The following FHIT variants were observed in gnomAD, a reference collection of about 807,000 sequenced individuals.
FHIT encodes fragile histidine triad diadenosine triphosphatase.
In FHIT, 19 loss-of-function variants were observed where a neutral mutation model predicts 17.9. The ratio of observed to expected loss-of-function variants is 1.06; its 90% confidence interval spans 0.74 to 1.56. The LOEUF is 1.56. Among genes scored for constraint, FHIT ranks in the 40% most tolerant of loss-of-function variants. The pLI, the probability that FHIT is intolerant of heterozygous loss-of-function variation, is 0.00. For missense variants in FHIT, 248 were observed against 189.2 expected (o/e 1.31, Z -1.82); for synonymous variants, 81 against 69.7 (o/e 1.16, Z -0.81).
intron 4 of FHIT, among the ~76,000 whole-genome samples, chr3:60,560,438 A>G (rs548081976): frequency 2.0e-5 from 3 of 152,194 alleles, no homozygotes; most frequent in African/African-American, 7.2e-5. Flanking sequence ...AGGCAAGAAC[A>G]GCTTCATGAA....
At chr3:59,922,450 T>A (rs1352205308) in intron 7 of FHIT, 36 bp from the exon 8 acceptor site, 1 of 1,550,246 alleles carries the variant, frequency 6.5e-7, no homozygotes. Context: ...AATGTGATTA[T>A]CTCCCCATGT....
intron 8 of FHIT, among the ~76,000 whole-genome samples, chr3:59,781,484 C>T (rs1702580015): frequency 6.6e-6 from 1 of 152,124 alleles, no homozygotes; most frequent in African/African-American, 2.4e-5. Context: ...TTTTGTTTGA[C>T]CTTTAGCTAA....
intron 4 of FHIT, among the ~76,000 whole-genome samples, chr3:60,622,037 G>C (rs960441871): frequency 6.6e-6 from 1 of 152,068 alleles, no homozygotes; most frequent in Non-Finnish European, 1.5e-5. Flanking sequence ...ACAAACATAG[G>C]AATTGTTATC....
At chr3:59,884,006 G>T (rs112552546) in intron 8 of FHIT, among the ~76,000 whole-genome samples, 2,343 of 152,208 alleles carry the variant, frequency 0.015, 55 homozygotes, top group Non-Finnish European at 0.018. Flanking sequence ...CTTCACTTTT[G>T]TCTTGTTTAT....
chr3:60,692,759 A>G (rs1237653275), intron 4 of FHIT, among the ~76,000 whole-genome samples: 1 of 152,220 alleles, frequency 6.6e-6, no homozygotes, highest in Non-Finnish European at 1.5e-5. Context: ...TACAGCAGCC[A>G]CAGAAAACTA....
intron 8 of FHIT, among the ~76,000 whole-genome samples, chr3:59,755,610 C>G (rs1701174799): frequency 6.6e-6 from 1 of 152,182 alleles, no homozygotes; most frequent in Non-Finnish European, 1.5e-5. Context: ...TGTTAACACA[C>G]AAGACAGTTG....
intron 4 of FHIT, among the ~76,000 whole-genome samples, chr3:60,582,382 A>C (rs907349202): frequency 3.9e-5 from 6 of 152,128 alleles, no homozygotes; most frequent in Non-Finnish European, 8.8e-5. Flanking sequence ...AGTTAAGCTT[A>C]AATTTCATAA....
At chr3:60,544,824 T>C (rs143029899) in intron 4 of FHIT, among the ~76,000 whole-genome samples, 1,889 of 152,122 alleles carry the variant, frequency 0.012, 34 homozygotes, top group African/African-American at 0.042. Context: ...CTCGAACTCC[T>C]AACCTCAAGT....
chr3:60,132,950 T>C (rs1699655531), intron 5 of FHIT, among the ~76,000 whole-genome samples: 1 of 152,024 alleles, frequency 6.6e-6, no homozygotes. Flanking sequence ...TGAAGACAAA[T>C]GACATACTGA....
intron 4 of FHIT, among the ~76,000 whole-genome samples, chr3:60,623,975 C>G (rs1246302282): frequency 1.3e-5 from 2 of 152,154 alleles, no homozygotes; most frequent in Non-Finnish European, 2.9e-5. Flanking sequence ...AAAAATTCTA[C>G]AATACATGAA....
chr3:60,131,931 G>A (rs1699613114), intron 5 of FHIT, among the ~76,000 whole-genome samples: 1 of 152,040 alleles, frequency 6.6e-6, no homozygotes, highest in Non-Finnish European at 1.5e-5. Context: ...TGTTTCAGAG[G>A]CCCACTCTCA....
At chr3:61,098,059 T>G (rs576323738) in intron 2 of FHIT, among the ~76,000 whole-genome samples, 2 of 152,318 alleles carry the variant, frequency 1.3e-5, no homozygotes, top group Admixed American at 6.5e-5. Context: ...CCTAGTTGAT[T>G]TCCAGGGTTT....
At chr3:61,197,927 A>G (rs2106656195) in intron 2 of FHIT, among the ~76,000 whole-genome samples, 1 of 152,176 alleles carries the variant, frequency 6.6e-6, no homozygotes, top group Non-Finnish European at 1.5e-5. Context: ...ACTTTTCTGT[A>G]CCAAACACAG....
intron 7 of FHIT, among the ~76,000 whole-genome samples, chr3:59,945,199 T>C (rs956812858): frequency 6.6e-6 from 1 of 152,164 alleles, no homozygotes; most frequent in Admixed American, 6.5e-5. Context: ...TTTTTTGACT[T>C]GTTAGTAATA....
chr3:60,151,495 G>A (rs575599013), intron 5 of FHIT, among the ~76,000 whole-genome samples: 1 of 152,170 alleles, frequency 6.6e-6, no homozygotes, highest in Non-Finnish European at 1.5e-5. Context: ...TAAATAAACA[G>A]ATGAGATCAC....
intron 4 of FHIT, chr3:60,690,389 G>A: frequency 1.7e-6 from 1 of 578,020 alleles, no homozygotes. Context: ...ATGAAAAACT[G>A]GGAACCATTT....
intron 5 of FHIT, among the ~76,000 whole-genome samples, chr3:60,424,024 A>G (rs1395307795): frequency 6.6e-6 from 1 of 152,178 alleles, no homozygotes; most frequent in Non-Finnish European, 1.5e-5. Flanking sequence ...TATAGTGATA[A>G]AGGTAAACAC....
Position 60,525,201 on chromosome 3 carries a change from T to C in FHIT, c.103+11659A>G, listed in dbSNP as rs117379565. Among the ~76,000 whole-genome samples, 63 of 152,342 alleles carry C rather than the reference T, an allele frequency of 4.1e-4. 1 individual carries two copies. The East Asian group carries it at 0.012, about 28-fold the overall frequency. On this transcript the variant is annotated intron_variant, in intron 5 of 9. Coordinates refer to ENST00000492590, the MANE Select transcript of FHIT (RefSeq NM_002012.4). ...CAATAGCATTTAATCCTTACATTGA[T>C]ACTTTGTTGGCTTAAGAGCATGCCA...
At chr3:60,917,897 A>T (rs1553767414) in intron 3 of FHIT, among the ~76,000 whole-genome samples, 1 of 152,208 alleles carries the variant, frequency 6.6e-6, no homozygotes. Context: ...AGTGCATCCC[A>T]ACCAGACAGA....
Sources: gnomAD v4.1 joint callset for allele counts (sites outside exome capture counted in the v4.1 genomes callset) on GRCh38, gnomAD v4.1.1 for gene constraint, MANE v1.5 for transcripts, NCBI Gene and HGNC (gene_info 2026-07-23, HGNC 2026-07-21) for gene names.